Variants in SLC23A2 observed in about 807,000 individuals in gnomAD.
SLC23A2 encodes the protein Na(+)/L-ascorbic acid transporter 2.
A neutral mutation model predicts 73.3 loss-of-function variants in SLC23A2; 36 were observed. The observed-to-expected ratio is 0.49, with a 90% CI of 0.38 to 0.65. SLC23A2 has a LOEUF of 0.65. SLC23A2 is among the 30% of genes least tolerant of loss of function. The probability of loss-of-function intolerance (pLI) is 0.00; values close to 1 mark genes in which losing one functional copy is unlikely to be tolerated. For synonymous variants in SLC23A2, 343 were observed against 327.3 expected, an observed-to-expected ratio of 1.05 and a Z score of -0.52; for missense variants, 507 against 841.6, an observed-to-expected ratio of 0.60 and a Z score of 4.92.
Position 4,867,973 on chromosome 20 carries a change from C to T in SLC23A2, c.1251-98G>A, listed in dbSNP as rs964706603. ...ACATCTACAATCCAAAAATGTGGTC[C>T]AGAGCCTGCAGCTTCCACATCTCCT... On this transcript the variant is annotated intron_variant, in intron 12 of 16. Coordinates refer to ENST00000338244, the MANE Select transcript of SLC23A2 (RefSeq NM_005116.6). 4.3e-5 allele frequency: 29 copies of T among 677,504 alleles called. No individual in the cohort carries two copies. In the African/African-American group the frequency reaches 4.9e-4, roughly 11 times the overall value. 42.0% of individuals were successfully genotyped at this position (677,504 alleles called of 1,614,324 possible).
chr20:4,938,179 T>C (rs941953198), intron 2 of SLC23A2, among the ~76,000 whole-genome samples: 1 of 151,744 alleles, frequency 6.6e-6, no homozygotes, highest in Non-Finnish European at 1.5e-5. Context: ...TACAGGCATG[T>C]GCCACACCTG....
At chr20:4,869,829 T>G (rs750692876) in intron 12 of SLC23A2, 77 bp downstream of exon 12, 16 of 1,385,260 alleles carry the variant, frequency 1.2e-5, no homozygotes, top group Non-Finnish European at 1.5e-5. Context: ...TGGTTTTGTC[T>G]TCAAGGTAAT....
chr20:4,968,530 A>C (rs2087510840), intron 2 of SLC23A2, among the ~76,000 whole-genome samples: 1 of 152,126 alleles, frequency 6.6e-6, no homozygotes, highest in Non-Finnish European at 1.5e-5. Context: ...GTGTTAATCC[A>C]AGGAAAATGA....
intron 3 of SLC23A2, among the ~76,000 whole-genome samples, chr20:4,930,502 GCAGT>G (rs1295023107): frequency 6.6e-6 from 1 of 152,176 alleles, no homozygotes; most frequent in Non-Finnish European, 1.5e-5. Context: ...GTGAACGAAA[GCAGT>G]CAATCAATGT....
intron 3 of SLC23A2, among the ~76,000 whole-genome samples, chr20:4,920,121 C>T (rs998071226): frequency 2.6e-5 from 4 of 152,092 alleles, no homozygotes. Context: ...GTTAGCTGGG[C>T]ATGGAGGCTC....
At position 4,924,746 on chromosome 20, in the gene SLC23A2, C is replaced by T. The variant is rs374875872; in HGVS notation, c.108+7709G>A. Among the ~76,000 whole-genome samples the T allele has an allele frequency of 6.1e-4, 93 of 152,362 alleles. No homozygotes were observed. In the South Asian group the frequency reaches 0.012, roughly 19 times the overall value. ...CTCCTCCAGGACTTTACTCAAAGGCCGCCTTCTTGGTGCAGCCTTTCCTGG... is the reference window on the plus strand; with the variant it reads ...CTCCTCCAGGACTTTACTCAAAGGCTGCCTTCTTGGTGCAGCCTTTCCTGG... On this transcript the variant is annotated intron_variant, in intron 3 of 16. Coordinates refer to ENST00000338244, the MANE Select transcript of SLC23A2 (RefSeq NM_005116.6).
intron 1 of SLC23A2, among the ~76,000 whole-genome samples, chr20:4,983,412 C>T (rs562498660): frequency 2.7e-4 from 41 of 152,126 alleles, no homozygotes; most frequent in South Asian, 8.3e-4. Context: ...TTCGGGAGGC[C>T]AAGGCGGGCA....
rs187818875 is a variant in SLC23A2, at chr20:4,932,340, T to C, written c.108+115A>G. Reference sequence around the variant, plus strand: ...CTATCTCACATATAAAGTATTTGGTTTGCAAATGCCTTAACCTTCACTGAA... The same window carrying C: ...CTATCTCACATATAAAGTATTTGGTCTGCAAATGCCTTAACCTTCACTGAA... On this transcript the variant is annotated intron_variant, in intron 3 of 16. Coordinates refer to ENST00000338244, the MANE Select transcript of SLC23A2 (RefSeq NM_005116.6). The C allele has an allele frequency of 4.9e-5, 35 of 715,660 alleles. No individual in the cohort carries two copies. The African/African-American group carries it at 5.2e-4, about 11-fold the overall frequency. The allele number at this position is 715,660 out of a possible 1,614,324, so 44.3% of individuals were successfully genotyped here.
intron 2 of SLC23A2, among the ~76,000 whole-genome samples, chr20:4,943,652 G>A (rs2087076712): frequency 6.7e-6 from 1 of 148,194 alleles, no homozygotes; most frequent in African/African-American, 2.5e-5. Flanking sequence ...TCCAGCCCAG[G>A]CAACAGAGTC....
At chr20:4,958,205 G>C (rs950139642) in intron 2 of SLC23A2, among the ~76,000 whole-genome samples, 5 of 152,220 alleles carry the variant, frequency 3.3e-5, no homozygotes, top group African/African-American at 4.8e-5. Flanking sequence ...CCCCTCACTG[G>C]AGACCATGCA....
intron 6 of SLC23A2, among the ~76,000 whole-genome samples, chr20:4,898,086 G>C (rs1931613529): frequency 6.6e-6 from 1 of 152,202 alleles, no homozygotes; most frequent in African/African-American, 2.4e-5. Flanking sequence ...GAGGGTGCTA[G>C]TCAGGTTGAG....
intron 1 of SLC23A2, among the ~76,000 whole-genome samples, chr20:4,989,308 C>T (rs2087886873): frequency 6.6e-6 from 1 of 151,516 alleles, no homozygotes; most frequent in Non-Finnish European, 1.5e-5. Context: ...TGATCATTTG[C>T]AGCTACAAGT....
At chr20:4,900,794 C>T (rs1381704727) in intron 5 of SLC23A2, among the ~76,000 whole-genome samples, 1 of 152,128 alleles carries the variant, frequency 6.6e-6, no homozygotes, top group East Asian at 1.9e-4. Context: ...CCAGCACTCA[C>T]GACTCACTTC....
At chr20:4,897,503 C>T (rs1285539115) in intron 6 of SLC23A2, among the ~76,000 whole-genome samples, 1 of 152,210 alleles carries the variant, frequency 6.6e-6, no homozygotes, top group African/African-American at 2.4e-5. Context: ...GACACGCACC[C>T]TCCTCCAGGC....
intron 1 of SLC23A2, among the ~76,000 whole-genome samples, chr20:4,991,764 A>AC (rs2087929240): frequency 1.3e-5 from 2 of 149,084 alleles, no homozygotes; most frequent in Non-Finnish European, 3.0e-5. Flanking sequence ...ACACACACAC[A>AC]AAAGTAATCT....
chr20:4,972,594 T>C (rs1258180148), intron 1 of SLC23A2, among the ~76,000 whole-genome samples: 3 of 151,770 alleles, frequency 2.0e-5, no homozygotes, highest in Non-Finnish European at 4.4e-5. Flanking sequence ...GTTGTTGTTG[T>C]TGTTTTAAAT....
rs1600076008 is a variant in SLC23A2 at position 4,862,966 on chromosome 20, A to C, written c.1357-59T>G. 6.4e-7 allele frequency: 1 copy of C among 1,555,348 alleles called. No individual in the cohort carries two copies. Among genetic ancestry groups the C allele is most frequent in the Non-Finnish European group, 8.8e-7 (1 of 1,138,170 alleles). On this transcript the variant is annotated intron_variant, in intron 13 of 16. Coordinates refer to ENST00000338244, the MANE Select transcript of SLC23A2 (RefSeq NM_005116.6). This position sits in a 1 kb window ranked among gnomAD's most constrained non-coding sequence, Gnocchi z 5.1. Reference sequence around the variant, plus strand: ...CTCATCTCCATGCAAAATCACCGTAAGTTACTAAAGAACACACAGCAGAGA... The same window carrying C: ...CTCATCTCCATGCAAAATCACCGTACGTTACTAAAGAACACACAGCAGAGA...
chr20:4,929,449 C>A (rs558752320), intron 3 of SLC23A2, among the ~76,000 whole-genome samples: 1 of 152,166 alleles, frequency 6.6e-6, no homozygotes, highest in Non-Finnish European at 1.5e-5. Context: ...TGGTTGGCAA[C>A]CCTGGGGAAG....
rs181097830 is a variant in SLC23A2 at position 4,911,486 on chromosome 20, C to T, written c.207+1394G>A. ...GTGATTACACTGTGAACTCACCATG[C>T]TAATACCCAACTCAGGTACTATATT... On this transcript the variant is annotated intron_variant, in intron 4 of 16. Transcript: ENST00000338244. 2.6e-3 allele frequency among the ~76,000 whole-genome samples: 402 copies of T among 152,130 alleles called. 1 individual carries two copies. Among genetic ancestry groups the T allele is most frequent in the African/African-American group, 9.4e-3 (390 of 41,492 alleles).
Sources: allele counts gnomAD v4.1 joint callset (sites outside exome capture counted in the v4.1 genomes callset), GRCh38; gene constraint gnomAD v4.1.1; non-coding constraint Gnocchi (gnomAD v3.1); transcripts MANE v1.5; gene names NCBI Gene and HGNC (gene_info 2026-07-23, HGNC 2026-07-21).